The following ELL variants were observed in gnomAD, a reference collection of about 807,000 sequenced individuals.
ELL encodes RNA polymerase II elongation factor ELL.
A neutral mutation model predicts 64.0 loss-of-function variants in ELL; 18 were observed. That is an observed-to-expected ratio of 0.28 (90% confidence interval 0.19 to 0.42). The LOEUF is 0.42. Ranked by LOEUF, ELL falls within the 10% of genes least tolerant of loss-of-function variation. The pLI is 1.00. For missense variants in ELL, 797 were observed against 870.4 expected (o/e 0.92, Z 1.06); for synonymous variants, 399 against 376.2 (o/e 1.06, Z -0.70).
intron 1 of ELL, among the ~76,000 whole-genome samples, chr19:18,521,010 A>AT (rs1378262512): frequency 6.6e-6 from 1 of 151,708 alleles, no homozygotes; most frequent in Non-Finnish European, 1.5e-5. Context: ...CCAAGAGAAC[A>AT]TACACAGCAG....
At chr19:18,459,168 C>T (rs1281409239) in intron 5 of ELL, among the ~76,000 whole-genome samples, 1 of 152,206 alleles carries the variant, frequency 6.6e-6, no homozygotes, top group African/African-American at 2.4e-5. Context: ...TGAGCCACCG[C>T]GCTGGGCTCC....
At chr19:18,512,222 G>T (rs2144977519) in intron 1 of ELL, among the ~76,000 whole-genome samples, 1 of 152,312 alleles carries the variant, frequency 6.6e-6, no homozygotes, top group East Asian at 1.9e-4. Context: ...CTACTGGGGA[G>T]GCTGAGGTGG....
chr19:18,458,735 C>T (rs985590862), intron 5 of ELL, among the ~76,000 whole-genome samples: 2 of 152,170 alleles, frequency 1.3e-5, no homozygotes, highest in Non-Finnish European at 2.9e-5. Flanking sequence ...TGTGCTCAAG[C>T]GACCCTCCCA....
chr19:18,498,640 CG>C (rs1263104183), intron 1 of ELL, among the ~76,000 whole-genome samples: 1 of 152,124 alleles, frequency 6.6e-6, no homozygotes, highest in Non-Finnish European at 1.5e-5. Flanking sequence ...TTGCTGCCCC[CG>C]GATGGGTAGA....
In ELL at chr19:18,502,673, C is replaced by T. The variant is rs556803851; in HGVS notation, c.135+19248G>A. 2.6e-4 allele frequency among the ~76,000 whole-genome samples: 40 copies of T among 152,310 alleles called. 1 individual carries two copies. In the South Asian group the frequency reaches 8.1e-3, roughly 31 times the overall value. ...GACGGTGTTTAAATGAGAGAGAGGGCCCAATGACAACGGACACCAGACACC... is the reference window on the plus strand; with the variant it reads ...GACGGTGTTTAAATGAGAGAGAGGGTCCAATGACAACGGACACCAGACACC... On this transcript the variant is annotated intron_variant, in intron 1 of 11. Transcript: ENST00000262809.
At chr19:18,517,761 C>T (rs1325334523) in intron 1 of ELL, among the ~76,000 whole-genome samples, 5 of 151,814 alleles carry the variant, frequency 3.3e-5, no homozygotes, top group Admixed American at 2.0e-4. Flanking sequence ...ATGGCTCATG[C>T]CTGTAGTCCC....
At chr19:18,472,664 G>C (rs986901659) in intron 2 of ELL, 171 bp downstream of exon 2, 4 of 753,506 alleles carry the variant, frequency 5.3e-6, no homozygotes, top group Admixed American at 2.6e-5. Flanking sequence ...ACACGTCCTG[G>C]TGTGGCCCCA....
intron 6 of ELL, among the ~76,000 whole-genome samples, chr19:18,453,540 C>T (rs1165605482): frequency 3.3e-5 from 5 of 152,102 alleles, no homozygotes; most frequent in Non-Finnish European, 1.5e-5. Context: ...CAACGAGATA[C>T]CACTTCACAC....
intron 1 of ELL, among the ~76,000 whole-genome samples, chr19:18,496,669 G>T (rs1975660815): frequency 6.6e-6 from 1 of 152,242 alleles, no homozygotes; most frequent in Non-Finnish European, 1.5e-5. Context: ...AGCAGGTGGG[G>T]CCAGCTCCAG....
intron 1 of ELL, among the ~76,000 whole-genome samples, chr19:18,474,054 A>C (rs1032816436): frequency 6.6e-6 from 1 of 152,220 alleles, no homozygotes; most frequent in Non-Finnish European, 1.5e-5. Flanking sequence ...AGTATCAGAG[A>C]CAACACCTAC....
Position 18,443,975 on chromosome 19 carries a change from C to G in ELL, c.*777G>C, listed in dbSNP as rs112025203. On this transcript the variant is annotated 3_prime_UTR_variant, in exon 12 of 12. Coordinates refer to ENST00000262809, the MANE Select transcript of ELL (RefSeq NM_006532.4). ...AAGTCTGACGCCGCTGCGGCCGAGT[C>G]TCAACTTGGAGCACAGAAACACAGT... 2,650 of 232,654 alleles carry G rather than the reference C, an allele frequency of 0.011. 31 individuals carry two copies. Among genetic ancestry groups the G allele is most frequent in the African/African-American group, 0.032 (1,430 of 45,396 alleles). The allele number at this position is 232,654 out of a possible 1,614,324, so 14.4% of individuals were successfully genotyped here. A position where few individuals can be genotyped will look rare whatever the true frequency, so the allele number is the denominator to read the frequency against.
intron 1 of ELL, among the ~76,000 whole-genome samples, chr19:18,508,700 T>G (rs1347688511): frequency 1.3e-5 from 2 of 152,162 alleles, no homozygotes; most frequent in Non-Finnish European, 2.9e-5. Context: ...GGCCAAAGAG[T>G]TGGTATTTCA....
At chr19:18,491,383 G>C (rs965174690) in intron 1 of ELL, among the ~76,000 whole-genome samples, 3 of 148,472 alleles carry the variant, frequency 2.0e-5, no homozygotes, top group African/African-American at 7.4e-5. Context: ...AAAATGCTGG[G>C]ATTACAGGTG....
intron 1 of ELL, among the ~76,000 whole-genome samples, chr19:18,519,741 A>C (rs775643552): frequency 2.0e-5 from 3 of 151,584 alleles, no homozygotes; most frequent in Non-Finnish European, 4.4e-5. Flanking sequence ...CGGGAGGCAG[A>C]AGCTGCAGTG....
Position 18,461,699 on chromosome 19 carries a change from C to T in ELL, c.623G>A (p.Arg208His), listed in dbSNP as rs755716780. Reference sequence around the variant, plus strand: ...TGCCAGGAGGTGCAGCACTCGGTCACGGAAGGGCCTCTGGGACACCCCGCT... The same window carrying T: ...TGCCAGGAGGTGCAGCACTCGGTCATGGAAGGGCCTCTGGGACACCCCGCT... Reference protein sequence around the residue: ...GGSGVSQRPFRDRVLHLLALR... With the variant: ...GGSGVSQRPFHDRVLHLLALR... The change falls in exon 5 of 12, where the codon CGT becomes CAT. Residue 208 changes from arginine to histidine, a missense_variant. By Grantham distance (29) the Arg-to-His change is conservative. Coordinates refer to ENST00000262809, the MANE Select transcript of ELL (RefSeq NM_006532.4). 4.5e-5 allele frequency: 73 copies of T among 1,613,480 alleles called. No individual in the cohort carries two copies. Among genetic ancestry groups the T allele is most frequent in the East Asian group, 1.1e-4 (5 of 44,902 alleles).
chr19:18,467,631 CCACACACACACACACACACACACACA>C (rs56351300), intron 2 of ELL, among the ~76,000 whole-genome samples: 1 of 66,970 alleles, frequency 1.5e-5, no homozygotes, highest in Non-Finnish European at 2.8e-5. Context: ...CACCACACAA[CCACACACACACACACACACACACACA>C]CACACACACA....
chr19:18,495,001 C>T lies in ELL; in HGVS notation c.136-22119G>A, dbSNP rs528821389. On this transcript the variant is annotated intron_variant, in intron 1 of 11. Transcript: ENST00000262809. ...GCAGAAGTCCAGGGCATATGGCTGGCGCTAACTCAATCAAGGTGTGGGCTA... is the reference window on the plus strand; with the variant it reads ...GCAGAAGTCCAGGGCATATGGCTGGTGCTAACTCAATCAAGGTGTGGGCTA... Among the ~76,000 whole-genome samples, 42 of 152,298 alleles carry T rather than the reference C, an allele frequency of 2.8e-4. No homozygotes were observed. In the East Asian group the frequency reaches 5.4e-3, roughly 20 times the overall value.
intron 8 of ELL, among the ~76,000 whole-genome samples, chr19:18,447,566 G>A (rs1974441210): frequency 6.6e-6 from 1 of 152,250 alleles, no homozygotes; most frequent in Admixed American, 6.5e-5. Flanking sequence ...TGGCACCCCA[G>A]GCAGCTGTCC....
intron 2 of ELL, among the ~76,000 whole-genome samples, chr19:18,471,985 A>G (rs746036012): frequency 8.7e-4 from 132 of 151,324 alleles, no homozygotes; most frequent in Non-Finnish European, 1.5e-3. Flanking sequence ...TTTTTGAGAC[A>G]GAGTTTCGCT....
Sources: allele counts gnomAD v4.1 joint callset (sites outside exome capture counted in the v4.1 genomes callset), GRCh38; gene constraint gnomAD v4.1.1; transcripts MANE v1.5; gene names NCBI Gene and HGNC (gene_info 2026-07-23, HGNC 2026-07-21).